Variants in CNTNAP2 observed in about 807,000 individuals in gnomAD.
The protein encoded by CNTNAP2 is contactin associated protein 2.
A neutral mutation model predicts 155.2 loss-of-function variants in CNTNAP2; 98 were observed. The observed-to-expected ratio is 0.63, with a 90% CI of 0.54 to 0.75. CNTNAP2 has a LOEUF of 0.75. Among genes scored for constraint, CNTNAP2 ranks in the 30% least tolerant of loss-of-function variants. CNTNAP2 has a pLI of 0.00. For synonymous variants in CNTNAP2, 651 were observed against 631.2 expected (o/e 1.03, Z -0.47); for missense variants, 1,727 against 1,688.1 (o/e 1.02, Z -0.40).
intron 1 of CNTNAP2, among the ~76,000 whole-genome samples, chr7:146,658,636 A>G (rs540504221): frequency 2.0e-5 from 3 of 152,196 alleles, no homozygotes; most frequent in Non-Finnish European, 4.4e-5. Flanking sequence ...AGTCTAAAGC[A>G]GAGAAGGCTA....
intron 12 of CNTNAP2, among the ~76,000 whole-genome samples, chr7:147,567,902 A>G (rs1342274401): frequency 6.6e-6 from 1 of 152,164 alleles, no homozygotes; most frequent in Non-Finnish European, 1.5e-5. Context: ...CCTGACCAAC[A>G]TGGCGAAACC....
chr7:147,649,204 C>T (rs1186393355), intron 13 of CNTNAP2, among the ~76,000 whole-genome samples: 1 of 152,050 alleles, frequency 6.6e-6, no homozygotes, highest in African/African-American at 2.4e-5. Context: ...TTGTATGTAG[C>T]TTAGTCTTTA....
intron 1 of CNTNAP2, among the ~76,000 whole-genome samples, chr7:146,767,106 C>T (rs1162665613): frequency 1.3e-5 from 2 of 152,062 alleles, no homozygotes; most frequent in African/African-American, 4.8e-5. Flanking sequence ...TTGTACTTCT[C>T]TTCATGGTCC....
At chr7:147,579,783 T>C (rs1329866929) in intron 12 of CNTNAP2, among the ~76,000 whole-genome samples, 1 of 152,198 alleles carries the variant, frequency 6.6e-6, no homozygotes, top group Admixed American at 6.5e-5. Context: ...GAACATCATA[T>C]TGTTTAGATA....
At chr7:148,368,365 A>G (rs1413425305) in intron 21 of CNTNAP2, among the ~76,000 whole-genome samples, 2 of 152,154 alleles carry the variant, frequency 1.3e-5, no homozygotes, top group Non-Finnish European at 2.9e-5. Flanking sequence ...AACTTTCTAG[A>G]AGTAGCTCCC....
intron 2 of CNTNAP2, among the ~76,000 whole-genome samples, chr7:146,815,047 A>T (rs1465295846): frequency 1.3e-5 from 2 of 152,122 alleles, no homozygotes; most frequent in African/African-American, 4.8e-5. Flanking sequence ...CAATTCTTCA[A>T]TTTAGAGTTT....
chr7:146,654,012 T>G (rs1361670334), intron 1 of CNTNAP2, among the ~76,000 whole-genome samples: 1 of 152,106 alleles, frequency 6.6e-6, no homozygotes, highest in Non-Finnish European at 1.5e-5. Flanking sequence ...AACAGTTCTT[T>G]GTATATTAAA....
chr7:147,481,837 G>T (rs567996000), intron 10 of CNTNAP2, among the ~76,000 whole-genome samples: 44 of 152,232 alleles, frequency 2.9e-4, no homozygotes, highest in African/African-American at 1.0e-3. Flanking sequence ...CATTTTTGAT[G>T]TGAACCAAAC....
chr7:146,299,648 G>A (rs73459993), intron 1 of CNTNAP2, among the ~76,000 whole-genome samples: 3,326 of 152,086 alleles, frequency 0.022, 144 homozygotes, highest in African/African-American at 0.076. Context: ...CAGTCCTCCT[G>A]CCTCAGTTTT....
At chr7:146,156,581 T>A (rs1350230737) in intron 1 of CNTNAP2, among the ~76,000 whole-genome samples, 1 of 152,138 alleles carries the variant, frequency 6.6e-6, no homozygotes, top group African/African-American at 2.4e-5. Flanking sequence ...CTCCTCTACA[T>A]ATTGTTTTAA....
chr7:146,405,078 G>A (rs992295029), intron 1 of CNTNAP2, among the ~76,000 whole-genome samples: 1 of 152,100 alleles, frequency 6.6e-6, no homozygotes, highest in Non-Finnish European at 1.5e-5. Context: ...TTTGGAATTG[G>A]AAGTAAAAAG....
intron 21 of CNTNAP2, among the ~76,000 whole-genome samples, chr7:148,307,864 T>C (rs1367461549): frequency 6.6e-6 from 1 of 151,946 alleles, no homozygotes; most frequent in African/African-American, 2.4e-5. Flanking sequence ...TCCCAGCTAA[T>C]GGGGATGCTG....
rs574032501 is a variant in CNTNAP2, at chr7:148,362,167, TC to T, written c.3476-21481del. 1.1e-3 allele frequency among the ~76,000 whole-genome samples: 160 copies of T among 151,204 alleles called. 1 individual carries two copies. The highest frequency in any genetic ancestry group is 3.9e-3 in the African/African-American group (159 of 41,158). ...GAGGTTGCAGTGAGCTAAGATTGAC[TC>T]TAGCCTGGGCAATAGAGGGAGACTC... On this transcript the variant is annotated intron_variant, in intron 21 of 23. Coordinates refer to ENST00000361727, the MANE Select transcript of CNTNAP2 (RefSeq NM_014141.6).
At position 147,043,842 on chromosome 7, in the gene CNTNAP2, G is replaced by A; in HGVS notation, c.403-65G>A. The A allele has an allele frequency of 1.9e-6, 3 of 1,581,116 alleles. No individual in the cohort carries two copies. In the East Asian group the frequency reaches 6.7e-5, roughly 35 times the overall value. On this transcript the variant is annotated intron_variant, in intron 3 of 23. Transcript: ENST00000361727. ...GATGACATTTGTGTTTATTCTAGTA[G>A]ACAGAGGACATGATTGTTTCTAAAG...
At chr7:148,124,249 T>TTTG (rs1023244300) in intron 16 of CNTNAP2, among the ~76,000 whole-genome samples, 1 of 152,048 alleles carries the variant, frequency 6.6e-6, no homozygotes, top group South Asian at 2.1e-4. Context: ...CAAATCAGAA[T>TTTG]TTGTTGTTGT....
chr7:147,647,954 T>A (rs1180171347), intron 13 of CNTNAP2, among the ~76,000 whole-genome samples: 32 of 152,146 alleles, frequency 2.1e-4, no homozygotes. Context: ...TGTCATTATC[T>A]GTTGGGAGGC....
At chr7:148,369,344 G>A (rs1798846223) in intron 21 of CNTNAP2, among the ~76,000 whole-genome samples, 1 of 151,320 alleles carries the variant, frequency 6.6e-6, no homozygotes, top group Non-Finnish European at 1.5e-5. Context: ...AATTACAGGG[G>A]TGTGCCACTA....
intron 23 of CNTNAP2, among the ~76,000 whole-genome samples, chr7:148,410,803 G>A (rs1021278256): frequency 1.3e-5 from 2 of 152,060 alleles, no homozygotes; most frequent in African/African-American, 2.4e-5. Flanking sequence ...GGAGGAAGGA[G>A]AATGAAGAGA....
intron 9 of CNTNAP2, chr7:147,377,976 G>A (rs536062669): frequency 6.5e-5 from 30 of 464,724 alleles, no homozygotes; most frequent in African/African-American, 1.6e-4. Flanking sequence ...TAGATGTTAC[G>A]TATTTTAATT....
Sources: allele counts gnomAD v4.1 joint callset (sites outside exome capture counted in the v4.1 genomes callset), GRCh38; gene constraint gnomAD v4.1.1; transcripts MANE v1.5; gene names NCBI Gene and HGNC (gene_info 2026-07-23, HGNC 2026-07-21).